CAMTA1: variants seen among roughly 807,000 people sequenced by gnomAD.
CAMTA1 encodes the protein calmodulin binding transcription activator 1, also known as calmodulin-binding transcription activator 1.
Under a neutral mutation model 170.9 loss-of-function variants are expected in CAMTA1, and 27 were observed. That is an observed-to-expected ratio of 0.16 (90% CI 0.12 to 0.22). The LOEUF is 0.22. Ranked by LOEUF, CAMTA1 falls within the 10% of genes least tolerant of loss-of-function variation. The pLI is 1.00. For synonymous variants in CAMTA1, 833 were observed against 891.5 expected (o/e 0.93, Z 1.17); for missense variants, 1,619 against 2,217.2 (o/e 0.73, Z 5.42).
chr1:7,592,317 C>T lies in CAMTA1; in HGVS notation c.511-48083C>T, dbSNP rs1033331996. ...CCTTTGTGCTAGCTCACCGGACTGG[C>T]AGCAGACAGCATCTGGTCACATCTC... On this transcript the variant is annotated intron_variant, in intron 6 of 22. Coordinates refer to ENST00000303635, the MANE Select transcript of CAMTA1 (RefSeq NM_015215.4). The surrounding 1 kb of genome is among the most constrained non-coding windows in gnomAD (Gnocchi z 4.6). Among the ~76,000 whole-genome samples, 1 of 152,324 alleles carries T rather than the reference C, an allele frequency of 6.6e-6. No homozygotes were observed. Among genetic ancestry groups the T allele is most frequent in the Admixed American group, 6.5e-5 (1 of 15,302 alleles).
At chr1:7,503,747 T>C (rs547815648) in intron 6 of CAMTA1, among the ~76,000 whole-genome samples, 1 of 151,768 alleles carries the variant, frequency 6.6e-6, no homozygotes, top group Non-Finnish European at 1.5e-5. Context: ...CCTCGGGAGG[T>C]GGGGGGAGCC....
chr1:7,207,732 G>A (rs1658016512), intron 4 of CAMTA1, among the ~76,000 whole-genome samples: 1 of 152,052 alleles, frequency 6.6e-6, no homozygotes, highest in African/African-American at 2.4e-5. Flanking sequence ...CATATGGTGT[G>A]GTCTATTCCA....
At chr1:6,902,078 A>AT (rs1553180479) in intron 3 of CAMTA1, among the ~76,000 whole-genome samples, 4 of 86,498 alleles carry the variant, frequency 4.6e-5, no homozygotes, top group African/African-American at 1.0e-4. Context: ...CACACAAAAA[A>AT]AAAAATAAAA....
intron 4 of CAMTA1, among the ~76,000 whole-genome samples, chr1:7,104,986 A>T (rs1293597418): frequency 6.6e-6 from 1 of 152,150 alleles, no homozygotes; most frequent in Non-Finnish European, 1.5e-5. Context: ...TTCTAGAAAA[A>T]TTCCAGCCTT....
chr1:7,209,318 T>C (rs1406404110), intron 4 of CAMTA1, among the ~76,000 whole-genome samples: 2 of 152,358 alleles, frequency 1.3e-5, no homozygotes, highest in East Asian at 1.9e-4. Context: ...GCCAAGTTTG[T>C]TGTTTTAGAC....
rs761190980 is a variant in CAMTA1 at position 7,467,765 on chromosome 1, G to A, written c.439-65G>A. 9.9e-6 allele frequency: 14 copies of A among 1,418,294 alleles called. No individual in the cohort carries two copies. The Admixed American group carries it at 1.7e-4, about 17-fold the overall frequency. The allele number at this position is 1,418,294 out of a possible 1,614,324, so 87.9% of individuals were successfully genotyped here. On this transcript the variant is annotated intron_variant, in intron 5 of 22. Transcript: ENST00000303635. ...CCCCTTCTTGCTCCTTCTCTGTTGC[G>A]CCGTCTTCCTTCCTTCCTTCCTTCC...
intron 5 of CAMTA1, among the ~76,000 whole-genome samples, chr1:7,309,347 T>A (rs1373783811): frequency 2.3e-5 from 3 of 131,544 alleles, no homozygotes; most frequent in African/African-American, 8.3e-5. Flanking sequence ...TCGCCCAGGC[T>A]GGAGTGCAGT....
At chr1:7,550,520 C>T (rs2150175808) in intron 6 of CAMTA1, among the ~76,000 whole-genome samples, 1 of 151,608 alleles carries the variant, frequency 6.6e-6, no homozygotes, top group Middle Eastern at 3.4e-3. Flanking sequence ...GGGCCTCGCC[C>T]TCTGTCCCCT....
At chr1:7,392,671 C>T (rs867141054) in intron 5 of CAMTA1, among the ~76,000 whole-genome samples, 20 of 151,812 alleles carry the variant, frequency 1.3e-4, no homozygotes, top group African/African-American at 4.3e-4. Flanking sequence ...CTCAGGAGTT[C>T]GAGACCAGCC....
chr1:6,867,214 C>G (rs1458274836), intron 3 of CAMTA1, among the ~76,000 whole-genome samples: 1 of 152,184 alleles, frequency 6.6e-6, no homozygotes, highest in Non-Finnish European at 1.5e-5. Flanking sequence ...GCGATTCCTT[C>G]TGCCCACCCT....
intron 5 of CAMTA1, among the ~76,000 whole-genome samples, chr1:7,284,571 G>C (rs1484414269): frequency 6.6e-6 from 1 of 152,130 alleles, no homozygotes; most frequent in Non-Finnish European, 1.5e-5. Flanking sequence ...GGGTTAATAT[G>C]GGCAGAATGC....
intron 11 of CAMTA1, among the ~76,000 whole-genome samples, chr1:7,686,406 G>C (rs956712939): frequency 6.6e-6 from 1 of 152,190 alleles, no homozygotes; most frequent in East Asian, 1.9e-4. Context: ...GTAAGACCGT[G>C]GGGGGAATAT....
intron 7 of CAMTA1, 108 bp from the exon 8 acceptor site, chr1:7,661,618 C>A: frequency 2.3e-6 from 3 of 1,280,482 alleles, no homozygotes; most frequent in Non-Finnish European, 2.2e-6. Flanking sequence ...AGCTCCCCAG[C>A]AGTGAGAGGG....
At chr1:7,280,329 C>T (rs1006020091) in intron 5 of CAMTA1, among the ~76,000 whole-genome samples, 18 of 152,248 alleles carry the variant, frequency 1.2e-4, no homozygotes, top group Admixed American at 1.2e-3. Flanking sequence ...TCCCTTGGCT[C>T]ATTTGAGGAA....
At chr1:7,721,767 G>C (rs551810016) in intron 11 of CAMTA1, among the ~76,000 whole-genome samples, 6 of 151,892 alleles carry the variant, frequency 4.0e-5, no homozygotes, top group African/African-American at 1.2e-4. Flanking sequence ...TCACTCCATC[G>C]CCCAGGCTGG....
At chr1:6,903,228 G>A (rs1677524438) in intron 3 of CAMTA1, among the ~76,000 whole-genome samples, 1 of 152,332 alleles carries the variant, frequency 6.6e-6, no homozygotes, top group South Asian at 2.1e-4. Flanking sequence ...GTGATCAAAA[G>A]TGTTTTCTTA....
intron 5 of CAMTA1, among the ~76,000 whole-genome samples, chr1:7,262,286 G>C (rs2149360485): frequency 6.6e-6 from 1 of 152,270 alleles, no homozygotes; most frequent in South Asian, 2.1e-4. Context: ...AATGGGCCGG[G>C]CGCGGTGGCT....
At chr1:7,057,310 GC>G (rs1405364579) in intron 3 of CAMTA1, among the ~76,000 whole-genome samples, 2 of 152,228 alleles carry the variant, frequency 1.3e-5, no homozygotes, top group Admixed American at 1.3e-4. Flanking sequence ...CACAGGAGCA[GC>G]CCTGGGATGG....
At chr1:7,058,264 C>T (rs765140111) in intron 3 of CAMTA1, among the ~76,000 whole-genome samples, 5 of 152,144 alleles carry the variant, frequency 3.3e-5, no homozygotes, top group South Asian at 2.1e-4. Flanking sequence ...AGTTCCTTGC[C>T]GTGCAGATTT....
Sources: allele counts gnomAD v4.1 joint callset (sites outside exome capture counted in the v4.1 genomes callset), GRCh38; gene constraint gnomAD v4.1.1; non-coding constraint Gnocchi (gnomAD v3.1); transcripts MANE v1.5; gene names NCBI Gene and HGNC (gene_info 2026-07-23, HGNC 2026-07-21).